The following TGM5 variants were observed in gnomAD, a reference collection of about 807,000 sequenced individuals.
The protein encoded by TGM5 is protein-glutamine gamma-glutamyltransferase 5.
TGM5 carries 69 observed loss-of-function variants against 77.2 expected under a neutral mutation model. The ratio of observed to expected loss-of-function variants is 0.89; its 90% CI spans 0.74 to 1.09. The LOEUF is 1.09. Ranked by LOEUF, TGM5 falls within the 50% of genes least tolerant of loss-of-function variation. TGM5 has a pLI of 0.00. For missense variants in TGM5, 842 were observed against 896.5 expected (o/e 0.94, Z 0.78); for synonymous variants, 346 against 351.8 (o/e 0.98, Z 0.18).
Position 43,260,243 on chromosome 15 carries a change from T to C in TGM5, c.245A>G (p.His82Arg), listed in dbSNP as rs1382164561. Reference sequence around the variant, plus strand: ...GGCAATCCAGGGGCTGGGGCTGTGATGGCGTGCCAGGCTGAACACAGCCCG... The same window carrying C: ...GGCAATCCAGGGGCTGGGGCTGTGACGGCGTGCCAGGCTGAACACAGCCCG... The part of the protein sequence containing the change: ...GTRAVFSLAR[H>R]HSPSPWIAWL... The change falls in exon 3 of 13, where the codon CAT becomes CGT. Residue 82 changes from histidine (H) to arginine (R), a missense_variant. By Grantham distance (29) the His-to-Arg change is conservative. Around this residue, in one of 2 missense-constraint regions of TGM5, gnomAD observed 815 missense variants for 844.6 expected, o/e 0.96. Coordinates refer to ENST00000220420, the MANE Select transcript of TGM5 (RefSeq NM_201631.4). The C allele has an allele frequency of 3.7e-6, 6 of 1,613,966 alleles. No homozygotes were observed. The highest frequency in any genetic ancestry group is 3.3e-4 in the Middle Eastern group (2 of 6,062).
chr15:43,235,793 G>A lies in TGM5; in HGVS notation c.1390C>T (p.Leu464=). 1.2e-6 allele frequency: 2 copies of A among 1,614,192 alleles called. No homozygotes were observed. Among genetic ancestry groups the A allele is most frequent in the Non-Finnish European group, 1.7e-6 (2 of 1,180,036 alleles). The change falls in exon 10 of 13, where the codon CTG becomes TTG. Residue 464 remains leucine, a synonymous_variant. Transcript: ENST00000220420. ...GAGCCATGGAAGCTTCTAGCCTTCA[G>A]CTTCTGCAGAGCCTTCAGAAACACC... is the stretch of plus-strand genomic sequence containing the variant. ...RQVFLKALQK[L]KARSFHGSQR...
At chr15:43,241,218 A>C in intron 6 of TGM5, 1 of 600,384 alleles carries the variant, frequency 1.7e-6, no homozygotes, top group Non-Finnish European at 3.0e-6. Context: ...TCAGACAAGC[A>C]CTGCCTGAGC....
rs2042772671 is a variant in TGM5, at chr15:43,260,026, G to A, written c.436+26C>T. On this transcript the variant is annotated intron_variant, in intron 3 of 12. Coordinates refer to ENST00000220420, the MANE Select transcript of TGM5 (RefSeq NM_201631.4). ...GCAGCACTGACAGAAGAGAAAGGAGGGCACCGCCTGGGCACCCAGCCTTAC... is the reference window on the plus strand; with the variant it reads ...GCAGCACTGACAGAAGAGAAAGGAGAGCACCGCCTGGGCACCCAGCCTTAC... The A allele has an allele frequency of 1.2e-6, 2 of 1,612,360 alleles. 1 individual carries two copies. The highest frequency in any genetic ancestry group is 2.2e-5 in the South Asian group (2 of 90,872).
At chr15:43,245,850 G>T (rs2042666008) in intron 6 of TGM5, among the ~76,000 whole-genome samples, 1 of 148,660 alleles carries the variant, frequency 6.7e-6, no homozygotes, top group Admixed American at 6.7e-5. Flanking sequence ...TGTGAGACCT[G>T]CTCTGTGGCT....
intron 4 of TGM5, 61 bp downstream of exon 4, chr15:43,256,507 C>T (rs868648213): frequency 9.3e-6 from 12 of 1,291,242 alleles, no homozygotes; most frequent in Middle Eastern, 1.9e-4. Flanking sequence ...TCACATGTGC[C>T]CTGCTCCCTC....
chr15:43,250,733 CAGTA>C (rs535343013), intron 6 of TGM5, among the ~76,000 whole-genome samples: 5 of 152,130 alleles, frequency 3.3e-5, no homozygotes, highest in Non-Finnish European at 7.3e-5. Flanking sequence ...AATAAGGACT[CAGTA>C]AGTATTGCTG....
chr15:43,261,445 C>T (rs1206435618), intron 1 of TGM5, among the ~76,000 whole-genome samples: 1 of 152,148 alleles, frequency 6.6e-6, no homozygotes, highest in Non-Finnish European at 1.5e-5. Flanking sequence ...AGGCCACGTG[C>T]TCAGTGCCCT....
chr15:43,265,531 T>C (rs1222630568), intron 1 of TGM5, among the ~76,000 whole-genome samples: 3 of 152,200 alleles, frequency 2.0e-5, no homozygotes, highest in African/African-American at 7.2e-5. Context: ...AATCTCTGCC[T>C]AAGACAGGAA....
Position 43,252,807 on chromosome 15 carries a change from G to A in TGM5, c.814C>T (p.Pro272Ser). ...LKQWNATGCQ[P>S]VRYGQCWVFA... ...ACCCAGCATTGCCCGTAGCGCACGGGCTGGCAGCCTGTGGCGTTCCACTGC... is the reference window on the plus strand; with the variant it reads ...ACCCAGCATTGCCCGTAGCGCACGGACTGGCAGCCTGTGGCGTTCCACTGC... Residue 272 changes from proline (P) to serine (S), a missense_variant, in exon 6 of 13, where the codon CCC becomes TCC. Transcript: ENST00000220420. 6.2e-7 allele frequency: 1 copy of A among 1,614,048 alleles called. No homozygotes were observed. The highest frequency in any genetic ancestry group is 8.5e-7 in the Non-Finnish European group (1 of 1,180,026).
chr15:43,253,780 C>T, intron 4 of TGM5, 146 bp from the exon 5 acceptor site: 2 of 1,134,344 alleles, frequency 1.8e-6, no homozygotes, highest in African/African-American at 3.1e-5. Context: ...AATTCCCTCC[C>T]ATTCAGGTGT....
At chr15:43,264,666 A>C (rs181104633) in intron 1 of TGM5, among the ~76,000 whole-genome samples, 53 of 152,334 alleles carry the variant, frequency 3.5e-4, no homozygotes, top group Middle Eastern at 3.4e-3. Context: ...TTTTGAGGTA[A>C]TGAAATGTTC....
chr15:43,245,134 C>T (rs888854167), intron 6 of TGM5, among the ~76,000 whole-genome samples: 1 of 151,760 alleles, frequency 6.6e-6, no homozygotes, highest in Non-Finnish European at 1.5e-5. Flanking sequence ...CTGTAAAGCT[C>T]TTTTTGCTGC....
intron 1 of TGM5, among the ~76,000 whole-genome samples, chr15:43,263,214 A>G (rs1022964848): frequency 2.6e-5 from 4 of 152,238 alleles, no homozygotes; most frequent in African/African-American, 9.6e-5. Flanking sequence ...GAAGACCTAA[A>G]TAAATGAAAA....
intron 6 of TGM5, among the ~76,000 whole-genome samples, chr15:43,248,374 A>G (rs1462997860): frequency 6.6e-6 from 1 of 152,104 alleles, no homozygotes; most frequent in African/African-American, 2.4e-5. Flanking sequence ...GGGTTTCACC[A>G]TGTTAGTCAA....
intron 6 of TGM5, among the ~76,000 whole-genome samples, chr15:43,242,905 C>T (rs2042647127): frequency 6.6e-6 from 1 of 152,220 alleles, no homozygotes; most frequent in Non-Finnish European, 1.5e-5. Context: ...GCTAAAAGTA[C>T]AGTCAGGAGG....
intron 1 of TGM5, among the ~76,000 whole-genome samples, chr15:43,263,280 G>T (rs768450812): frequency 6.6e-6 from 1 of 152,194 alleles, no homozygotes; most frequent in Non-Finnish European, 1.5e-5. Context: ...AAGTTTTTCT[G>T]CAGATTCAAC....
At chr15:43,234,987 G>A in intron 10 of TGM5, 58 bp from the exon 11 acceptor site, 1 of 1,599,244 alleles carries the variant, frequency 6.3e-7, no homozygotes, top group Non-Finnish European at 8.5e-7. Context: ...CCGTACCTGG[G>A]TTGGACCTGG....
chr15:43,265,847 GA>G (rs2142389357), intron 1 of TGM5, among the ~76,000 whole-genome samples: 1 of 152,276 alleles, frequency 6.6e-6, no homozygotes, highest in Non-Finnish European at 1.5e-5. Context: ...GATACTATGA[GA>G]AATATTGAGG....
At chr15:43,234,716 C>A (rs2042574213) in intron 11 of TGM5, 53 bp downstream of exon 11, 1 of 1,612,534 alleles carries the variant, frequency 6.2e-7, no homozygotes, top group Non-Finnish European at 8.5e-7. Context: ...GCTTCACCCC[C>A]TCCCCGCCAG....
Sources: allele counts gnomAD v4.1 joint callset (sites outside exome capture counted in the v4.1 genomes callset), GRCh38; gene constraint gnomAD v4.1.1; regional missense constraint gnomAD v4.1.1; transcripts MANE v1.5; gene names NCBI Gene and HGNC (gene_info 2026-07-23, HGNC 2026-07-21).